The following NXN variants were observed in gnomAD, a reference collection of about 807,000 sequenced individuals.
NXN encodes the protein nucleoredoxin.
A neutral mutation model predicts 48.6 loss-of-function variants in NXN; 16 were observed. The ratio of observed to expected loss-of-function variants is 0.33; its 90% confidence interval spans 0.22 to 0.50. NXN has a LOEUF of 0.50. Among genes scored for constraint, NXN ranks in the 20% least tolerant of loss-of-function variants. NXN has a pLI of 0.98. For synonymous variants in NXN, 281 were observed against 269.6 expected, an observed-to-expected ratio of 1.04 and a Z score of -0.41; for missense variants, 492 against 605.5, an observed-to-expected ratio of 0.81 and a Z score of 1.97.
At chr17:858,470 G>A (rs2068008868) in intron 1 of NXN, among the ~76,000 whole-genome samples, 1 of 152,100 alleles carries the variant, frequency 6.6e-6, no homozygotes, top group Non-Finnish European at 1.5e-5. Flanking sequence ...GCTCACGCCT[G>A]TAATCTCAGC....
chr17:812,103 A>AT, intron 5 of NXN, among the ~76,000 whole-genome samples: 2 of 150,146 alleles, frequency 1.3e-5, no homozygotes, highest in Non-Finnish European at 3.0e-5. Flanking sequence ...AATTTTTTGT[A>AT]TTTTTAATAG....
intron 1 of NXN, among the ~76,000 whole-genome samples, chr17:843,988 G>A (rs2144724891): frequency 6.6e-6 from 1 of 152,390 alleles, no homozygotes; most frequent in East Asian, 1.9e-4. Flanking sequence ...GTCATTCCCT[G>A]TCGCTTTGGG....
chr17:814,203 G>C (rs1175291516), intron 5 of NXN, among the ~76,000 whole-genome samples: 1 of 148,414 alleles, frequency 6.7e-6, no homozygotes, highest in Admixed American at 6.8e-5. Context: ...CAGATGTAGT[G>C]AGCAGAGATT....
At chr17:895,587 C>T (rs567019020) in intron 1 of NXN, among the ~76,000 whole-genome samples, 334 of 149,756 alleles carry the variant, frequency 2.2e-3, no homozygotes, top group Middle Eastern at 0.011. Context: ...TCGAGGTGGG[C>T]GGATCACAGG....
chr17:974,836 T>C (rs974282111), intron 1 of NXN, among the ~76,000 whole-genome samples: 1 of 152,008 alleles, frequency 6.6e-6, no homozygotes, highest in African/African-American at 2.4e-5. Flanking sequence ...TTTATTTATT[T>C]ATTTATTTAA....
In NXN at chr17:869,425, C is replaced by T. The variant is rs144678763; in HGVS notation, c.361-43347G>A. ...GGGGCTGCCTGACACATCTCTGCTC[C>T]GACCAACAGGGTTAGGAACCTACAC... On this transcript the variant is annotated intron_variant, in intron 1 of 7. Transcript: ENST00000336868. 2.0e-3 allele frequency among the ~76,000 whole-genome samples: 310 copies of T among 152,186 alleles called. 2 individuals carry two copies. The highest frequency in any genetic ancestry group is 6.3e-3 in the African/African-American group (263 of 41,526).
At chr17:848,554 A>G (rs2067890302) in intron 1 of NXN, among the ~76,000 whole-genome samples, 1 of 152,246 alleles carries the variant, frequency 6.6e-6, no homozygotes, top group Admixed American at 6.5e-5. Flanking sequence ...CAGGAAATTT[A>G]GATGGGCGTT....
chr17:867,594 A>G (rs73291557), intron 1 of NXN, among the ~76,000 whole-genome samples: 3,290 of 152,314 alleles, frequency 0.022, 131 homozygotes, highest in African/African-American at 0.075. Context: ...CTTGTGGTTA[A>G]TAAGAGAAAA....
Position 920,576 on chromosome 17 carries a change from G to A in NXN, c.360+58743C>T, listed in dbSNP as rs1327402151. Among the ~76,000 whole-genome samples, 5 of 151,950 alleles carry A rather than the reference G, an allele frequency of 3.3e-5. No individual in the cohort carries two copies. The highest frequency in any genetic ancestry group is 2.6e-4 in the Admixed American group (4 of 15,250). ...CCTCGACGCTCATCCAGGTTCATTC[G>A]CCATCCGTATGCCCTAGCCCAGGGT... On this transcript the variant is annotated intron_variant, in intron 1 of 7. Transcript: ENST00000336868. This position sits in a 1 kb window ranked among gnomAD's most constrained non-coding sequence, Gnocchi z 4.6.
rs1380866394 is a variant in NXN at position 853,717 on chromosome 17, A to AT, written c.361-27640dup. On this transcript the variant is annotated intron_variant, in intron 1 of 7. Transcript: ENST00000336868. ...CTGTTATACACATATATATATATAT[A>AT]TATATATTTTTTTTTTTTTTTCCAA... Among the ~76,000 whole-genome samples the AT allele has an allele frequency of 4.2e-3, 392 of 92,590 alleles. 4 individuals are homozygous for AT. The highest frequency in any genetic ancestry group is 6.3e-3 in the Non-Finnish European group (294 of 47,022). The allele number at this position is 92,590 out of a possible 152,430, so 60.7% of individuals were successfully genotyped here.
intron 1 of NXN, among the ~76,000 whole-genome samples, chr17:890,138 G>T (rs1013017148): frequency 6.6e-6 from 1 of 151,708 alleles, no homozygotes; most frequent in South Asian, 2.1e-4. Flanking sequence ...GGACCTACTC[G>T]TTATGAAATA....
At chr17:899,998 G>C (rs11654882) in intron 1 of NXN, among the ~76,000 whole-genome samples, 110,242 of 152,168 alleles carry the variant, frequency 0.72, 40,861 homozygotes, top group Middle Eastern at 0.87. Flanking sequence ...GGGCGTGGTG[G>C]CTCATGCCCG....
intron 1 of NXN, among the ~76,000 whole-genome samples, chr17:933,664 C>T (rs2068877020): frequency 6.6e-6 from 1 of 151,968 alleles, no homozygotes; most frequent in Non-Finnish European, 1.5e-5. Flanking sequence ...TTCATCTTGG[C>T]CTCCCACTAA....
intron 5 of NXN, among the ~76,000 whole-genome samples, chr17:807,509 C>T (rs1054046142): frequency 2.6e-5 from 4 of 152,214 alleles, no homozygotes; most frequent in Non-Finnish European, 5.9e-5. Context: ...GGCCTTTTTC[C>T]TGACTGTGGC....
In NXN at chr17:941,333, T is replaced by C. The variant is rs565828881; in HGVS notation, c.360+37986A>G. ...CAAGATTCCAGGGCGCAGCCATGAA[T>C]TCACCACACACCTCCCTGGATTTAC... is the stretch of plus-strand genomic sequence containing the variant. On this transcript the variant is annotated intron_variant, in intron 1 of 7. Transcript: ENST00000336868. 1.2e-4 allele frequency among the ~76,000 whole-genome samples: 16 copies of C among 130,884 alleles called. No homozygotes were observed. In the South Asian group the frequency reaches 1.3e-3, roughly 11 times the overall value. The allele number at this position is 130,884 out of a possible 152,430, so 85.9% of individuals were successfully genotyped here.
chr17:965,676 C>T (rs574175818), intron 1 of NXN, among the ~76,000 whole-genome samples: 1 of 152,208 alleles, frequency 6.6e-6, no homozygotes, highest in African/African-American at 2.4e-5. Flanking sequence ...CAGACTCAGG[C>T]TAATCAACAT....
rs907210351 is a variant in NXN, at chr17:876,236, GGAGAA to G, written c.361-50163_361-50159del. On this transcript the variant is annotated intron_variant, in intron 1 of 7. Transcript: ENST00000336868. ...AAGAAAAGAGAAAGAAAGAAAGAAA[GGAGAA>G]GAGAAGAGAAGAAAAGAAAAGAAAA... Among the ~76,000 whole-genome samples, 27 of 135,420 alleles carry G rather than the reference GGAGAA, an allele frequency of 2.0e-4. No homozygotes were observed. In the East Asian group the frequency reaches 4.2e-3, roughly 21 times the overall value. 88.8% of individuals were successfully genotyped at this position (135,420 alleles called of 152,430 possible).
rs987835061 is a variant in NXN, at chr17:917,611, G to C, written c.360+61708C>G. Among the ~76,000 whole-genome samples, 4 of 152,156 alleles carry C rather than the reference G, an allele frequency of 2.6e-5. No individual in the cohort carries two copies. The highest frequency in any genetic ancestry group is 1.3e-4 in the Admixed American group (2 of 15,272). On this transcript the variant is annotated intron_variant, in intron 1 of 7. Coordinates refer to ENST00000336868, the MANE Select transcript of NXN (RefSeq NM_022463.5). The surrounding 1 kb of genome is among the most constrained non-coding windows in gnomAD (Gnocchi z 4.5). ...CTGGTGTCTACAGGCTCGATTCCCAGCTCTCCCACAAGGACGTGGCTCAGA... is the reference window on the plus strand; with the variant it reads ...CTGGTGTCTACAGGCTCGATTCCCACCTCTCCCACAAGGACGTGGCTCAGA...
chr17:842,974 GAGAA>G (rs1313325493), intron 1 of NXN, among the ~76,000 whole-genome samples: 1 of 102,762 alleles, frequency 9.7e-6, no homozygotes, highest in African/African-American at 3.6e-5. Context: ...GAGAGAAAGA[GAGAA>G]AGAGAGAAAG....
Sources: gnomAD v4.1 joint callset for allele counts (sites outside exome capture counted in the v4.1 genomes callset) on GRCh38, gnomAD v4.1.1 for gene constraint, Gnocchi (gnomAD v3.1) non-coding constraint, MANE v1.5 for transcripts, NCBI Gene and HGNC (gene_info 2026-07-23, HGNC 2026-07-21) for gene names.